Variants in GRIK3 observed in about 807,000 individuals in gnomAD.
The protein encoded by GRIK3 is glutamate receptor ionotropic, kainate 3.
A neutral mutation model predicts 102.5 loss-of-function variants in GRIK3; 29 were observed. The ratio of observed to expected loss-of-function variants is 0.28; its 90% CI spans 0.21 to 0.39. The LOEUF is 0.39. Ranked by LOEUF, GRIK3 falls within the 10% of genes least tolerant of loss-of-function variation. The pLI is 1.00. For synonymous variants in GRIK3, 511 were observed against 504.9 expected, an observed-to-expected ratio of 1.01 and a Z score of -0.16; for missense variants, 908 against 1,252.4, an observed-to-expected ratio of 0.73 and a Z score of 4.15.
chr1:36,867,335 G>T (rs2124248475), intron 5 of GRIK3, among the ~76,000 whole-genome samples: 1 of 152,210 alleles, frequency 6.6e-6, no homozygotes, highest in South Asian at 2.1e-4. Flanking sequence ...GGGCACCATA[G>T]TTATCTGGGG....
In GRIK3 at chr1:36,800,030, G is replaced by C. The variant is rs1433243700; in HGVS notation, c.*1821C>G. 1 of 152,220 alleles carries C rather than the reference G, an allele frequency of 6.6e-6. No individual in the cohort carries two copies. The highest frequency in any genetic ancestry group is 1.5e-5 in the Non-Finnish European group (1 of 68,066). 9.4% of individuals were successfully genotyped at this position (152,220 alleles called of 1,614,324 possible). A position where few individuals can be genotyped will look rare whatever the true frequency, so the allele number is the denominator to read the frequency against. On this transcript the variant is annotated 3_prime_UTR_variant, in exon 16 of 16. Coordinates refer to ENST00000373091, the MANE Select transcript of GRIK3 (RefSeq NM_000831.4). ...CTCGTCCAATGTACATAGCCAGTCA[G>C]AGCTGCTAGGATTCTGGGAACCTGC... is the stretch of plus-strand genomic sequence containing the variant.
intron 10 of GRIK3, among the ~76,000 whole-genome samples, chr1:36,826,283 T>C (rs1264593012): frequency 6.6e-6 from 1 of 152,204 alleles, no homozygotes; most frequent in Non-Finnish European, 1.5e-5. Flanking sequence ...CCCATCCACT[T>C]CTTGACTGCT....
chr1:36,994,156 G>A (rs1642391030), intron 1 of GRIK3, among the ~76,000 whole-genome samples: 1 of 152,216 alleles, frequency 6.6e-6, no homozygotes. Context: ...GGTCAACATA[G>A]ATCAGGGTTA....
intron 1 of GRIK3, among the ~76,000 whole-genome samples, chr1:36,955,271 G>C (rs1641892518): frequency 6.6e-6 from 1 of 152,212 alleles, no homozygotes; most frequent in Non-Finnish European, 1.5e-5. Context: ...CTGCCAGCAG[G>C]ACAGGAAGGG....
chr1:36,804,622 A>G, intron 15 of GRIK3: 1 of 419,560 alleles, frequency 2.4e-6, no homozygotes, highest in Non-Finnish European at 4.2e-6. Context: ...ACCTTCAACA[A>G]TTACCCTGGA....
intron 1 of GRIK3, among the ~76,000 whole-genome samples, chr1:36,895,442 A>G (rs1641162526): frequency 6.6e-6 from 1 of 152,170 alleles, no homozygotes; most frequent in African/African-American, 2.4e-5. Flanking sequence ...AGAAAAAAAA[A>G]AGAAATGTTA....
At chr1:36,958,098 C>T (rs1641945917) in intron 1 of GRIK3, among the ~76,000 whole-genome samples, 1 of 105,306 alleles carries the variant, frequency 9.5e-6, no homozygotes, top group Admixed American at 1.1e-4. Flanking sequence ...GCCCTGTGAG[C>T]CTGTGTGCCC....
intron 3 of GRIK3, among the ~76,000 whole-genome samples, chr1:36,873,908 C>A (rs116424911): frequency 6.6e-6 from 1 of 152,160 alleles, no homozygotes; most frequent in African/African-American, 2.4e-5. Context: ...AGGGTCCCCA[C>A]GTAGACCTCG....
intron 2 of GRIK3, among the ~76,000 whole-genome samples, chr1:36,886,403 G>A (rs1403185433): frequency 6.6e-6 from 1 of 152,164 alleles, no homozygotes; most frequent in Admixed American, 6.5e-5. Context: ...CAGGTTCCTT[G>A]GAAGAGTCCT....
chr1:36,877,942 T>G (rs1640927796), intron 3 of GRIK3, among the ~76,000 whole-genome samples: 1 of 152,240 alleles, frequency 6.6e-6, no homozygotes, highest in Non-Finnish European at 1.5e-5. Context: ...CACCCATTCT[T>G]CTATGCTAAG....
chr1:36,916,925 G>T (rs1641408343), intron 1 of GRIK3, among the ~76,000 whole-genome samples: 1 of 152,210 alleles, frequency 6.6e-6, no homozygotes. Context: ...CCATTCTCCA[G>T]ACCCCAGAAT....
intron 1 of GRIK3, among the ~76,000 whole-genome samples, chr1:37,011,681 T>C (rs998129298): frequency 1.8e-4 from 27 of 152,158 alleles, no homozygotes; most frequent in African/African-American, 6.3e-4. Context: ...TTGGTAAGGA[T>C]CCATTAAGAT....
chr1:36,830,369 C>A (rs1179389647), intron 10 of GRIK3, among the ~76,000 whole-genome samples: 1 of 151,974 alleles, frequency 6.6e-6, no homozygotes, highest in East Asian at 1.9e-4. Context: ...CCCCCCCACC[C>A]CCAATTATGT....
intron 1 of GRIK3, among the ~76,000 whole-genome samples, chr1:37,002,432 T>A: frequency 6.6e-6 from 1 of 152,058 alleles, no homozygotes; most frequent in East Asian, 1.9e-4. Flanking sequence ...AAAACAGCAT[T>A]TCGGAGAGTG....
intron 1 of GRIK3, among the ~76,000 whole-genome samples, chr1:36,993,338 C>T (rs1341369561): frequency 6.6e-6 from 1 of 152,126 alleles, no homozygotes; most frequent in Non-Finnish European, 1.5e-5. Context: ...GCTATAACAG[C>T]TCACTGCAGC....
At chr1:36,911,806 G>A (rs933230314) in intron 1 of GRIK3, among the ~76,000 whole-genome samples, 18 of 152,080 alleles carry the variant, frequency 1.2e-4, no homozygotes, top group Non-Finnish European at 2.9e-5. Context: ...GCGGGGAGCT[G>A]TGGAGGGGCC....
chr1:36,949,950 C>T (rs191358103), intron 1 of GRIK3, among the ~76,000 whole-genome samples: 2 of 152,092 alleles, frequency 1.3e-5, no homozygotes, highest in Non-Finnish European at 2.9e-5. Context: ...GTCAAGCAAC[C>T]TTCCCAAAAT....
intron 1 of GRIK3, among the ~76,000 whole-genome samples, chr1:37,018,431 C>A (rs934579287): frequency 6.6e-6 from 1 of 152,194 alleles, no homozygotes; most frequent in Non-Finnish European, 1.5e-5. Flanking sequence ...TTCTCATACA[C>A]CGCAACCCTT....
At chr1:36,870,502 G>A (rs985026894) in intron 4 of GRIK3, among the ~76,000 whole-genome samples, 2 of 152,228 alleles carry the variant, frequency 1.3e-5, no homozygotes, top group Non-Finnish European at 2.9e-5. Flanking sequence ...AGAGGGCTCT[G>A]GGGAAAATGT....
Sources: allele counts gnomAD v4.1 joint callset (sites outside exome capture counted in the v4.1 genomes callset), GRCh38; gene constraint gnomAD v4.1.1; transcripts MANE v1.5; gene names NCBI Gene and HGNC (gene_info 2026-07-23, HGNC 2026-07-21).